Variants in CHIC2 observed in about 807,000 individuals in gnomAD.
CHIC2 encodes the protein cysteine rich hydrophobic domain 2.
Under a neutral mutation model 25.9 loss-of-function variants are expected in CHIC2, and 14 were observed. The observed-to-expected ratio is 0.54, with a 90% CI of 0.36 to 0.85. CHIC2 has a LOEUF of 0.85. CHIC2 is among the 40% of genes least tolerant of loss of function. The probability of loss-of-function intolerance (pLI) is 0.01; values close to 1 mark genes in which losing one functional copy is unlikely to be tolerated. For synonymous variants in CHIC2, 70 were observed against 72.0 expected (o/e 0.97, Z 0.14); for missense variants, 146 against 202.0 (o/e 0.72, Z 1.68).
intron 3 of CHIC2, among the ~76,000 whole-genome samples, chr4:54,021,366 T>G (rs982951420): frequency 6.6e-6 from 1 of 152,138 alleles, no homozygotes; most frequent in Non-Finnish European, 1.5e-5. Flanking sequence ...CTTTCTCTCC[T>G]GTCTGTTCCT....
In CHIC2 at chr4:54,009,934, A is replaced by C; in HGVS notation, c.*161T>G. On this transcript the variant is annotated 3_prime_UTR_variant, in exon 6 of 6. Coordinates refer to ENST00000263921, the MANE Select transcript of CHIC2 (RefSeq NM_012110.4). ...GTTGCAAAGATTGACAAAAATGCAC[A>C]CTTAGAACATGCGGTTATTTAAAAA... The C allele has an allele frequency of 2.0e-6, 1 of 502,460 alleles. No homozygotes were observed. The highest frequency in any genetic ancestry group is 3.6e-6 in the Non-Finnish European group (1 of 277,604). The allele number at this position is 502,460 out of a possible 1,614,324, so 31.1% of individuals were successfully genotyped here.
chr4:54,091,306 G>A, the CHIC2 span, among the ~76,000 whole-genome samples: 6 of 152,170 alleles, frequency 3.9e-5, no homozygotes, highest in Non-Finnish European at 8.8e-5. Context: ...GCGGACAGAG[G>A]CACTGGGCTG....
intron 3 of CHIC2, among the ~76,000 whole-genome samples, chr4:54,047,581 T>C (rs542376387): frequency 1.4e-5 from 2 of 138,558 alleles, no homozygotes; most frequent in South Asian, 2.2e-4. Context: ...TTCTCACTCA[T>C]AGGTGGGAAT....
chr4:54,064,795 G>A (rs1717470375), upstream of CHIC2: 1 of 355,598 alleles, frequency 2.8e-6, no homozygotes, highest in Admixed American at 6.5e-5. The surrounding 1 kb of genome is among the most constrained non-coding windows in gnomAD (Gnocchi z 4.2). Context: ...TCTACCCGCA[G>A]ACGGCGACCG....
rs1017112103 is a variant in CHIC2 at position 54,021,712 on chromosome 4, C to T, written c.331-7593G>A. Among the ~76,000 whole-genome samples the T allele has an allele frequency of 2.0e-4, 30 of 152,032 alleles. 1 individual carries two copies. The highest frequency in any genetic ancestry group is 1.7e-4 in the African/African-American group (7 of 41,382). On this transcript the variant is annotated intron_variant, in intron 3 of 5. Coordinates refer to ENST00000263921, the MANE Select transcript of CHIC2 (RefSeq NM_012110.4). The stretch of plus-strand genomic sequence containing the variant: ...GGCTCTTTTTCATCAAATATAAAAA[C>T]GCAGCCCAGTCCATGGCCCGTTTGG...
At chr4:54,022,775 AC>A (rs1293145073) in intron 3 of CHIC2, among the ~76,000 whole-genome samples, 2 of 151,764 alleles carry the variant, frequency 1.3e-5, no homozygotes, top group African/African-American at 2.4e-5. Context: ...AATCACCCTT[AC>A]CCCGCTCAAT....
At chr4:54,055,107 G>A (rs543172062) in intron 1 of CHIC2, among the ~76,000 whole-genome samples, 3 of 152,224 alleles carry the variant, frequency 2.0e-5, no homozygotes, top group African/African-American at 7.2e-5. Flanking sequence ...GGCAAAGGTG[G>A]AAAGGTGGAG....
At chr4:54,086,418 T>G in the CHIC2 span, among the ~76,000 whole-genome samples, 1 of 152,182 alleles carries the variant, frequency 6.6e-6, no homozygotes, top group Non-Finnish European at 1.5e-5. Flanking sequence ...TAGGAGGTCC[T>G]GGATGTAAAT....
At chr4:54,048,461 T>C (rs765388304) in intron 3 of CHIC2, among the ~76,000 whole-genome samples, 29 of 152,246 alleles carry the variant, frequency 1.9e-4, no homozygotes, top group Non-Finnish European at 3.4e-4. Flanking sequence ...ATTTCTTGTA[T>C]GGGTACCATC....
chr4:54,047,584 G>A (rs995574373), intron 3 of CHIC2, among the ~76,000 whole-genome samples: 3 of 148,914 alleles, frequency 2.0e-5, no homozygotes, highest in Non-Finnish European at 4.4e-5. Context: ...TCACTCATAG[G>A]TGGGAATTGA....
At chr4:54,040,082 C>A (rs1716515070) in intron 3 of CHIC2, among the ~76,000 whole-genome samples, 1 of 152,136 alleles carries the variant, frequency 6.6e-6, no homozygotes, top group Admixed American at 6.5e-5. Context: ...AAACTTACTA[C>A]AGCACAAGTA....
intron 3 of CHIC2, among the ~76,000 whole-genome samples, chr4:54,048,451 A>G (rs1716901871): frequency 6.6e-6 from 1 of 152,156 alleles, no homozygotes; most frequent in Non-Finnish European, 1.5e-5. Context: ...TAACCATTTT[A>G]TTTCTTGTAT....
At chr4:54,021,972 C>T (rs1715912101) in intron 3 of CHIC2, among the ~76,000 whole-genome samples, 1 of 152,126 alleles carries the variant, frequency 6.6e-6, no homozygotes, top group Non-Finnish European at 1.5e-5. Context: ...TCCTTGCCTC[C>T]ACTGTGAGAC....
intron 3 of CHIC2, among the ~76,000 whole-genome samples, chr4:54,030,965 C>T (rs1233679254): frequency 2.6e-4 from 39 of 150,904 alleles, no homozygotes; most frequent in Non-Finnish European, 4.9e-4. Flanking sequence ...CCTTTGCCTC[C>T]GCCTCCCAGG....
intron 1 of CHIC2, among the ~76,000 whole-genome samples, chr4:54,053,233 C>G (rs1316278742): frequency 6.6e-6 from 1 of 152,134 alleles, no homozygotes; most frequent in African/African-American, 2.4e-5. Flanking sequence ...GGAGTGCCAT[C>G]TGGTAGTATG....
chr4:54,016,748 G>GT (rs1027245351), intron 3 of CHIC2, among the ~76,000 whole-genome samples: 2 of 151,850 alleles, frequency 1.3e-5, no homozygotes. Flanking sequence ...TGAGGAGCAG[G>GT]TGAGAACATA....
At position 54,025,854 on chromosome 4, in the gene CHIC2, C is replaced by CAAA. The variant is rs66736321; in HGVS notation, c.331-11738_331-11736dup. Among the ~76,000 whole-genome samples the CAAA allele has an allele frequency of 9.0e-3, 985 of 109,742 alleles. 11 individuals carry two copies. Among genetic ancestry groups the CAAA allele is most frequent in the African/African-American group, 0.029 (798 of 27,956 alleles). The allele number at this position is 109,742 out of a possible 152,430, so 72.0% of individuals were successfully genotyped here. ...TGGGCAACAGAGTAAGACCCTGTCTCAAAAAAAAAAAAAAAATAGGAATTG... is the reference window on the plus strand; with the variant it reads ...TGGGCAACAGAGTAAGACCCTGTCTCAAAAAAAAAAAAAAAAAAATAGGAATTG... On this transcript the variant is annotated intron_variant, in intron 3 of 5. Transcript: ENST00000263921.
the CHIC2 span, among the ~76,000 whole-genome samples, chr4:54,073,531 C>G: frequency 6.6e-6 from 1 of 152,194 alleles, no homozygotes; most frequent in African/African-American, 2.4e-5. Context: ...CTCACATGAA[C>G]AGGAACTGAG....
At chr4:54,062,967 G>C (rs1234053080) in intron 1 of CHIC2, among the ~76,000 whole-genome samples, 1 of 152,162 alleles carries the variant, frequency 6.6e-6, no homozygotes, top group Non-Finnish European at 1.5e-5. Flanking sequence ...TGGCAATTAT[G>C]CAGTGTTTTT....
Sources: gnomAD v4.1 joint callset for allele counts (sites outside exome capture counted in the v4.1 genomes callset) on GRCh38, gnomAD v4.1.1 for gene constraint, Gnocchi (gnomAD v3.1) non-coding constraint, MANE v1.5 for transcripts, NCBI Gene and HGNC (gene_info 2026-07-23, HGNC 2026-07-21) for gene names.